The following COL4A1 variants were observed in gnomAD, a reference collection of about 807,000 sequenced individuals.
The protein encoded by COL4A1 is collagen alpha-1(IV) chain.
In COL4A1, 40 loss-of-function variants were observed where a neutral mutation model predicts 216.6. The observed-to-expected ratio is 0.18, with a 90% CI of 0.14 to 0.24. COL4A1 has a LOEUF of 0.24. Among genes scored for constraint, COL4A1 ranks in the 10% least tolerant of loss-of-function variants. The pLI is 1.00. For synonymous variants in COL4A1, 839 were observed against 810.7 expected (o/e 1.03, Z -0.59); for missense variants, 1,628 against 2,196.8 (o/e 0.74, Z 5.18).
At position 110,203,470 on chromosome 13, in the gene COL4A1, T is replaced by G. The variant is rs1030357195; in HGVS notation, c.999+96A>C. On this transcript the variant is annotated intron_variant, in intron 18 of 51. Coordinates refer to ENST00000375820, the MANE Select transcript of COL4A1 (RefSeq NM_001845.6). The stretch of plus-strand genomic sequence containing the variant: ...TCCCAGCGCTCTCACAGACCCAGGG[T>G]CCTCTCCTTCCTCCCCCCAGTGCTC... 3.7e-6 allele frequency: 5 copies of G among 1,361,254 alleles called. No homozygotes were observed. The Admixed American group carries it at 5.1e-5, about 14-fold the overall frequency. 84.3% of individuals were successfully genotyped at this position (1,361,254 alleles called of 1,614,324 possible). A position where few individuals can be genotyped will look rare whatever the true frequency, so the allele number is the denominator to read the frequency against.
intron 1 of COL4A1, among the ~76,000 whole-genome samples, chr13:110,262,715 C>CT (rs1882878068): frequency 6.6e-6 from 1 of 152,212 alleles, no homozygotes; most frequent in African/African-American, 2.4e-5. Flanking sequence ...GGGAAACACG[C>CT]ATCTCCTGAT....
chr13:110,238,675 C>T (rs1192653409), intron 2 of COL4A1, among the ~76,000 whole-genome samples: 1 of 152,168 alleles, frequency 6.6e-6, no homozygotes, highest in Non-Finnish European at 1.5e-5. Flanking sequence ...TCTAGTTTAA[C>T]TTTAAATTCC....
chr13:110,297,551 T>A (rs1270370652), intron 1 of COL4A1, among the ~76,000 whole-genome samples: 2 of 152,164 alleles, frequency 1.3e-5, no homozygotes, highest in Admixed American at 6.5e-5. Flanking sequence ...TTAAAATCCA[T>A]CACTAAAACT....
chr13:110,155,892 AC>A (rs1247770292), intron 49 of COL4A1, among the ~76,000 whole-genome samples: 1 of 152,168 alleles, frequency 6.6e-6, no homozygotes, highest in Non-Finnish European at 1.5e-5. Context: ...AGCCTGGGCA[AC>A]AAGAGTGAAA....
intron 2 of COL4A1, among the ~76,000 whole-genome samples, chr13:110,215,357 C>T (rs1211520200): frequency 6.6e-6 from 1 of 152,018 alleles, no homozygotes; most frequent in Non-Finnish European, 1.5e-5. Flanking sequence ...GTCAGGAGTT[C>T]GAGACCAGCC....
intron 21 of COL4A1, among the ~76,000 whole-genome samples, chr13:110,196,780 A>G (rs1178144825): frequency 6.6e-6 from 1 of 152,212 alleles, no homozygotes; most frequent in Admixed American, 6.5e-5. Flanking sequence ...ACTTGAGACA[A>G]GAATGCAGTG....
intron 28 of COL4A1, among the ~76,000 whole-genome samples, chr13:110,182,283 G>C (rs915463473): frequency 1.3e-5 from 2 of 152,238 alleles, no homozygotes; most frequent in African/African-American, 2.4e-5. Context: ...GCCTACAGCA[G>C]TGAGGGTGGA....
At chr13:110,198,066 C>T (rs1475706359) in intron 21 of COL4A1, among the ~76,000 whole-genome samples, 1 of 135,462 alleles carries the variant, frequency 7.4e-6, no homozygotes, top group East Asian at 2.5e-4. Context: ...ATCCTGTCTT[C>T]CTTGTTTCTG....
chr13:110,253,237 T>TA (rs1254238775), intron 1 of COL4A1, among the ~76,000 whole-genome samples: 1,277 of 126,548 alleles, frequency 0.01, 114 homozygotes, highest in African/African-American at 0.027. Context: ...ATACATATAA[T>TA]TAGGTATATA....
At chr13:110,232,576 A>G (rs1432372626) in intron 2 of COL4A1, among the ~76,000 whole-genome samples, 1 of 152,178 alleles carries the variant, frequency 6.6e-6, no homozygotes, top group East Asian at 1.9e-4. Flanking sequence ...GCTCCCCTGA[A>G]AAGAAAGCTA....
chr13:110,188,443 A>G (rs1438528248), intron 24 of COL4A1, among the ~76,000 whole-genome samples: 2 of 152,240 alleles, frequency 1.3e-5, no homozygotes, highest in Admixed American at 1.3e-4. Flanking sequence ...CCTGCTAGGC[A>G]CTATGACCCA....
rs568911879 is a variant in COL4A1, at chr13:110,225,092, C to T, written c.145-11077G>A. Among the ~76,000 whole-genome samples the T allele has an allele frequency of 2.8e-3, 421 of 152,100 alleles. 1 individual carries two copies. Among genetic ancestry groups the T allele is most frequent in the Non-Finnish European group, 3.3e-3 (221 of 67,986 alleles). ...TTATCAAAATTGGGTTTTACAGGTG[C>T]CCTGCCAGGGGACATCCAGGGTCCC... On this transcript the variant is annotated intron_variant, in intron 2 of 51. Coordinates refer to ENST00000375820, the MANE Select transcript of COL4A1 (RefSeq NM_001845.6).
At chr13:110,284,129 C>T (rs1185592210) in intron 1 of COL4A1, among the ~76,000 whole-genome samples, 1 of 152,210 alleles carries the variant, frequency 6.6e-6, no homozygotes, top group South Asian at 2.1e-4. Context: ...ACACACAGCT[C>T]TCAATTTCAC....
At chr13:110,151,895 A>G (rs1296025418) in intron 51 of COL4A1, among the ~76,000 whole-genome samples, 1 of 152,214 alleles carries the variant, frequency 6.6e-6, no homozygotes, top group Non-Finnish European at 1.5e-5. Context: ...ATTAATTTTT[A>G]TTTGCACAGG....
At chr13:110,246,601 G>GA (rs1299777342) in intron 1 of COL4A1, among the ~76,000 whole-genome samples, 1 of 152,168 alleles carries the variant, frequency 6.6e-6, no homozygotes, top group Non-Finnish European at 1.5e-5. Context: ...TGGACTCCCA[G>GA]AAAAATCTAA....
intron 2 of COL4A1, among the ~76,000 whole-genome samples, chr13:110,229,772 C>T (rs1880930581): frequency 6.6e-6 from 1 of 152,236 alleles, no homozygotes; most frequent in Non-Finnish European, 1.5e-5. Context: ...GGGAGGAACA[C>T]ACTTCTGCTG....
At chr13:110,295,258 C>CTTT (rs67516756) in intron 1 of COL4A1, among the ~76,000 whole-genome samples, 4 of 135,632 alleles carry the variant, frequency 2.9e-5, no homozygotes, top group Admixed American at 7.4e-5. Flanking sequence ...TTCTTTCTTT[C>CTTT]TTTTTTTTTT....
chr13:110,260,279 A>G (rs1882762117), intron 1 of COL4A1, among the ~76,000 whole-genome samples: 1 of 152,232 alleles, frequency 6.6e-6, no homozygotes, highest in Non-Finnish European at 1.5e-5. Context: ...ACTCCCATTT[A>G]TAAAACCGTC....
chr13:110,233,543 C>T (rs899484662), intron 2 of COL4A1, among the ~76,000 whole-genome samples: 2 of 151,976 alleles, frequency 1.3e-5, no homozygotes, highest in Non-Finnish European at 2.9e-5. Context: ...CAAGGCTGGC[C>T]GATGGGAGGG....
Sources: gnomAD v4.1 joint callset for allele counts (sites outside exome capture counted in the v4.1 genomes callset) on GRCh38, gnomAD v4.1.1 for gene constraint, MANE v1.5 for transcripts, NCBI Gene and HGNC (gene_info 2026-07-23, HGNC 2026-07-21) for gene names.